EIF4ENIF1: variants seen among roughly 807,000 people sequenced by gnomAD.
EIF4ENIF1 encodes the protein eukaryotic translation initiation factor 4E transporter.
A neutral mutation model predicts 110.5 loss-of-function variants in EIF4ENIF1; 23 were observed. That is an observed-to-expected ratio of 0.21 (90% confidence interval 0.15 to 0.29). The LOEUF (loss-of-function observed/expected upper bound fraction) is 0.29. EIF4ENIF1 is among the 10% of genes least tolerant of loss of function. EIF4ENIF1 has a pLI of 1.00. For synonymous variants in EIF4ENIF1, 440 were observed against 437.0 expected (o/e 1.01, Z -0.09); for missense variants, 1,031 against 1,221.1 (o/e 0.84, Z 2.32).
In EIF4ENIF1 at chr22:31,449,458, G is replaced by A. The variant is rs899660871; in HGVS notation, c.1658C>T (p.Pro553Leu). The part of the protein sequence containing the change: ...LLSGLMGSLE[P>L]TTSLLGQRAP... The stretch of plus-strand genomic sequence containing the variant: ...TCTTTGGCCCAGTAAAGATGTTGTA[G>A]GCTCCAAGCTCCCCATAAGGCCACT... The change falls in exon 12 of 19, where the codon CCT (proline) becomes CTT (leucine). Residue 553 changes from proline to leucine, a missense_variant. Pro to Leu is a moderately conservative substitution (Grantham distance 98). This residue lies in a region of EIF4ENIF1 where 704 missense variants were observed against 879.7 expected (regional missense o/e 0.80). Transcript: ENST00000330125. 6.2e-7 allele frequency: 1 copy of A among 1,614,144 alleles called. No homozygotes were observed. Among genetic ancestry groups the A allele is most frequent in the Non-Finnish European group, 8.5e-7 (1 of 1,180,026 alleles).
At chr22:31,444,550 C>A in intron 15 of EIF4ENIF1, 56 bp downstream of exon 15, 1 of 1,547,128 alleles carries the variant, frequency 6.5e-7, no homozygotes, top group South Asian at 1.1e-5. Context: ...ACAATCCATG[C>A]ACAACCAAAC....
At chr22:31,470,394 C>T (rs530333470) in intron 3 of EIF4ENIF1, among the ~76,000 whole-genome samples, 34 of 151,738 alleles carry the variant, frequency 2.2e-4, no homozygotes, top group South Asian at 1.0e-3. Flanking sequence ...GATTCTCCTG[C>T]CTCAGCCTCC....
intron 5 of EIF4ENIF1, 25 bp from the exon 6 acceptor site, chr22:31,463,158 T>A: frequency 1.2e-6 from 2 of 1,605,234 alleles, no homozygotes; most frequent in South Asian, 2.2e-5. Flanking sequence ...AAAGCAAGAT[T>A]AAAAAATTTC....
At chr22:31,462,499 A>G (rs2145983231) in intron 6 of EIF4ENIF1, among the ~76,000 whole-genome samples, 1 of 150,086 alleles carries the variant, frequency 6.7e-6, no homozygotes, top group East Asian at 2.0e-4. Flanking sequence ...AAAAAAAAAG[A>G]TTTCAAAATC....
intron 2 of EIF4ENIF1, among the ~76,000 whole-genome samples, chr22:31,483,206 G>T (rs1157289035): frequency 1.7e-5 from 2 of 119,340 alleles, no homozygotes; most frequent in African/African-American, 6.0e-5. Context: ...GCCAGGAGAC[G>T]ATCTTTTTTT....
intron 12 of EIF4ENIF1, among the ~76,000 whole-genome samples, chr22:31,448,590 G>A (rs1010073933): frequency 6.6e-6 from 1 of 152,222 alleles, no homozygotes; most frequent in East Asian, 1.9e-4. Flanking sequence ...TTGTTTGACT[G>A]TGGACAGAAG....
In EIF4ENIF1 at chr22:31,454,239, G is replaced by C. The variant is rs767588566; in HGVS notation, c.1417C>G (p.Arg473Gly). The change falls in exon 10 of 19, where the codon CGA (arginine) becomes GGA (glycine). Residue 473 changes from arginine to glycine, a missense_variant. This residue lies in a region of EIF4ENIF1 where 704 missense variants were observed against 879.7 expected (regional missense o/e 0.80). Transcript: ENST00000330125. ...ATGTCTCCGTCTTTCTTCAGTTGTC[G>C]ATTGTTGGTTACGGCACTCAAGGTC... ...EETLSAVTNN[R>G]QLKKDGDMTA... 5 of 1,614,082 alleles carry C rather than the reference G, an allele frequency of 3.1e-6. No individual in the cohort carries two copies. In the South Asian group the frequency reaches 5.5e-5, roughly 18 times the overall value.
chr22:31,467,012 T>C (rs1426140248), intron 4 of EIF4ENIF1, among the ~76,000 whole-genome samples: 1 of 152,184 alleles, frequency 6.6e-6, no homozygotes, highest in Non-Finnish European at 1.5e-5. Context: ...TATGGAGAGT[T>C]TTCTATGAGT....
Position 31,474,746 on chromosome 22 carries a change from C to T in EIF4ENIF1, c.97-2829G>A, listed in dbSNP as rs144007186. Among the ~76,000 whole-genome samples, 48 of 152,150 alleles carry T rather than the reference C, an allele frequency of 3.2e-4. No homozygotes were observed. The East Asian group carries it at 5.2e-3, about 17-fold the overall frequency. On this transcript the variant is annotated intron_variant, in intron 2 of 18. Coordinates refer to ENST00000330125, the MANE Select transcript of EIF4ENIF1 (RefSeq NM_019843.4). ...TAACACACATATCTACCCATATATACAACAAACTACTGCCTCCTTTTGGTA... is the reference window on the plus strand; with the variant it reads ...TAACACACATATCTACCCATATATATAACAAACTACTGCCTCCTTTTGGTA...
intron 1 of EIF4ENIF1, chr22:31,489,042 TG>T: frequency 3.9e-6 from 1 of 254,954 alleles, no homozygotes; most frequent in Non-Finnish European, 7.6e-6. Context: ...CTGCCACCCA[TG>T]GGGATCTTTC....
chr22:31,479,111 C>G (rs1199146187), intron 2 of EIF4ENIF1, among the ~76,000 whole-genome samples: 1 of 148,652 alleles, frequency 6.7e-6, no homozygotes, highest in Non-Finnish European at 1.5e-5. Context: ...GAGATGGAAT[C>G]TCACTCTGTC....
chr22:31,485,693 A>C (rs1365336399), intron 2 of EIF4ENIF1, among the ~76,000 whole-genome samples: 1 of 151,706 alleles, frequency 6.6e-6, no homozygotes, highest in Non-Finnish European at 1.5e-5. Context: ...AATCCCACCT[A>C]CTCAGGAGGC....
intron 4 of EIF4ENIF1, among the ~76,000 whole-genome samples, chr22:31,467,590 C>T (rs749095277): frequency 4.0e-5 from 6 of 151,868 alleles, no homozygotes; most frequent in Non-Finnish European, 8.8e-5. Context: ...TTTGGGAGGC[C>T]GAGGTGGGTG....
chr22:31,465,792 G>GTT (rs1481481935), intron 4 of EIF4ENIF1, among the ~76,000 whole-genome samples: 1 of 152,100 alleles, frequency 6.6e-6, no homozygotes, highest in Non-Finnish European at 1.5e-5. Context: ...ACAGATAAAC[G>GTT]GATCAACTGC....
chr22:31,443,900 T>G (rs1373780654), intron 15 of EIF4ENIF1, among the ~76,000 whole-genome samples: 1 of 150,422 alleles, frequency 6.6e-6, no homozygotes, highest in African/African-American at 2.4e-5. Flanking sequence ...ACTCAAGTGA[T>G]CCTCCCACCT....
chr22:31,445,086 C>T (rs2050420657), intron 14 of EIF4ENIF1, among the ~76,000 whole-genome samples: 1 of 152,196 alleles, frequency 6.6e-6, no homozygotes, highest in African/African-American at 2.4e-5. Context: ...TAGAGAACAA[C>T]AGTTCAGGTA....
chr22:31,459,847 G>A (rs2050937765), intron 6 of EIF4ENIF1, among the ~76,000 whole-genome samples: 1 of 152,158 alleles, frequency 6.6e-6, no homozygotes, highest in Non-Finnish European at 1.5e-5. Context: ...TTCTACTCCA[G>A]GCTCTGCCAT....
At chr22:31,454,034 A>G (rs1233859604) in intron 10 of EIF4ENIF1, 110 bp downstream of exon 10, 15 of 969,966 alleles carry the variant, frequency 1.5e-5, no homozygotes, top group East Asian at 2.6e-5. Flanking sequence ...AATGACTACT[A>G]AAGAATTTCC....
Position 31,463,771 on chromosome 22 carries a change from G to T in EIF4ENIF1, c.495C>A (p.Thr165=), listed in dbSNP as rs1391892599. 1 of 1,613,616 alleles carries T rather than the reference G, an allele frequency of 6.2e-7. No homozygotes were observed. The highest frequency in any genetic ancestry group is 8.5e-7 in the Non-Finnish European group (1 of 1,179,988). The part of the protein sequence containing the change: ...IGSGRIISAR[T]FEKDHRLSDK... ...CGCTAAGACGGTGATCCTTCTCAAA[G>T]GTCCGGGCAGAGATTATCCTCCCAC... The change falls in exon 5 of 19, where the codon ACC becomes ACA. Residue 165 remains threonine, a synonymous_variant. Transcript: ENST00000330125.
Sources: gnomAD v4.1 joint callset for allele counts (sites outside exome capture counted in the v4.1 genomes callset) on GRCh38, gnomAD v4.1.1 for gene constraint, gnomAD v4.1.1 regional missense constraint, MANE v1.5 for transcripts, NCBI Gene and HGNC (gene_info 2026-07-23, HGNC 2026-07-21) for gene names.